VPS13B: variants seen among roughly 807,000 people sequenced by gnomAD.
The protein encoded by VPS13B is vacuolar protein sorting 13 homolog B.
A neutral mutation model predicts 426.4 loss-of-function variants in VPS13B; 285 were observed. The observed-to-expected ratio is 0.67, with a 90% CI of 0.61 to 0.74. The LOEUF is 0.74. Among genes scored for constraint, VPS13B ranks in the 30% least tolerant of loss-of-function variants. The pLI is 0.00. For missense variants in VPS13B, 4,537 were observed against 4,782.6 expected, an observed-to-expected ratio of 0.95 and a Z score of 1.51; for synonymous variants, 1,676 against 1,676.4, an observed-to-expected ratio of 1.00 and a Z score of 0.01.
At chr8:99,269,037 A>C (rs568718655) in intron 17 of VPS13B, among the ~76,000 whole-genome samples, 1 of 152,206 alleles carries the variant, frequency 6.6e-6, no homozygotes, top group South Asian at 2.1e-4. Flanking sequence ...CACCTTGTGA[A>C]GAAGGACGTG....
chr8:99,403,813 T>C (rs1416036421), intron 21 of VPS13B, among the ~76,000 whole-genome samples: 2 of 152,210 alleles, frequency 1.3e-5, no homozygotes, highest in African/African-American at 4.8e-5. Context: ...TATTTTACAA[T>C]TAGTCACAGC....
At chr8:99,187,016 T>A (rs929424598) in intron 16 of VPS13B, among the ~76,000 whole-genome samples, 7 of 152,250 alleles carry the variant, frequency 4.6e-5, no homozygotes, top group African/African-American at 1.2e-4. Context: ...GTAAAAAAAA[T>A]GAATCCCATC....
At chr8:99,681,884 T>C (rs1831167869) in intron 35 of VPS13B, among the ~76,000 whole-genome samples, 1 of 152,172 alleles carries the variant, frequency 6.6e-6, no homozygotes, top group Admixed American at 6.5e-5. Flanking sequence ...ATAGATCAAG[T>C]GACCAAGTGT....
At chr8:99,769,018 G>A (rs1345660462) in intron 40 of VPS13B, among the ~76,000 whole-genome samples, 10 of 152,166 alleles carry the variant, frequency 6.6e-5, no homozygotes, top group Non-Finnish European at 1.5e-5. Flanking sequence ...TAATGCCTCT[G>A]AATCTGAAAC....
Position 99,192,993 on chromosome 8 carries a change from T to C in VPS13B, c.2451T>C (p.His817=), listed in dbSNP as rs114120664. Residue 817 remains histidine (H), a synonymous_variant, in exon 17 of 62, where the codon CAT becomes CAC. Transcript: ENST00000357162. ...LLQAIYQSWS[H]LGNVSSSAVI... The stretch of plus-strand genomic sequence containing the variant: ...AAGCAATATATCAAAGTTGGTCTCA[T>C]CTTGGAAATGTCAGCTCTTCCGCAG... 1.8e-3 allele frequency: 2,841 copies of C among 1,613,750 alleles called. 15 individuals carry two copies. In the African/African-American group the frequency reaches 0.018, roughly 10 times the overall value.
At chr8:99,585,607 A>T (rs868088044) in intron 33 of VPS13B, among the ~76,000 whole-genome samples, 15 of 152,278 alleles carry the variant, frequency 9.9e-5, no homozygotes, top group Middle Eastern at 3.4e-3. Flanking sequence ...AGTGAAAAAA[A>T]TTTTTAGACA....
intron 19 of VPS13B, among the ~76,000 whole-genome samples, chr8:99,336,544 C>A (rs367593032): frequency 6.6e-6 from 1 of 152,062 alleles, no homozygotes. Context: ...AGCTTCTGCA[C>A]AGCAAAAGAA....
intron 15 of VPS13B, among the ~76,000 whole-genome samples, chr8:99,166,597 C>G (rs1376509542): frequency 6.6e-6 from 1 of 152,170 alleles, no homozygotes; most frequent in African/African-American, 2.4e-5. Flanking sequence ...TAAATGGAAA[C>G]GCATCTCATC....
At chr8:99,832,760 T>G in intron 52 of VPS13B, 108 bp downstream of exon 52, 1 of 1,120,972 alleles carries the variant, frequency 8.9e-7, no homozygotes, top group Non-Finnish European at 1.3e-6. Flanking sequence ...TATGTAATAT[T>G]AGGCTTTATT....
chr8:99,511,891 A>T (rs1043271629), intron 29 of VPS13B, among the ~76,000 whole-genome samples: 2 of 152,188 alleles, frequency 1.3e-5, no homozygotes, highest in Non-Finnish European at 2.9e-5. Context: ...TAATCCTAAC[A>T]CTTTGGGAAG....
intron 2 of VPS13B, among the ~76,000 whole-genome samples, chr8:99,026,704 TTTG>T (rs1465606321): frequency 6.6e-6 from 1 of 152,196 alleles, no homozygotes; most frequent in Non-Finnish European, 1.5e-5. Flanking sequence ...GATGACCTTC[TTTG>T]TCTCCTTATA....
At chr8:99,737,451 A>C (rs967268317) in intron 39 of VPS13B, among the ~76,000 whole-genome samples, 4 of 152,214 alleles carry the variant, frequency 2.6e-5, no homozygotes, top group Non-Finnish European at 5.9e-5. Flanking sequence ...AGGGTCCCAA[A>C]GCAGCAGCCT....
intron 13 of VPS13B, among the ~76,000 whole-genome samples, chr8:99,146,730 G>A (rs1347638120): frequency 1.3e-5 from 2 of 151,998 alleles, no homozygotes; most frequent in Non-Finnish European, 2.9e-5. Context: ...GCACCACCAA[G>A]CCCAGCTAAT....
chr8:99,266,385 C>G (rs1477042191), intron 17 of VPS13B, among the ~76,000 whole-genome samples: 1 of 151,714 alleles, frequency 6.6e-6, no homozygotes, highest in Non-Finnish European at 1.5e-5. Flanking sequence ...GCACTCCAGC[C>G]TGGGCAACAG....
At chr8:99,453,854 C>A (rs1021061444) in intron 23 of VPS13B, among the ~76,000 whole-genome samples, 3 of 152,164 alleles carry the variant, frequency 2.0e-5, no homozygotes, top group African/African-American at 4.8e-5. Context: ...AACTGATGAA[C>A]CTACAGGGAT....
At position 99,016,880 on chromosome 8, in the gene VPS13B, C is replaced by T. The variant is rs569683349; in HGVS notation, c.147+2945C>T. The stretch of plus-strand genomic sequence containing the variant: ...GATGGGTTACAGGCATGAGCCACTG[C>T]GCCCGGCCAGGAATTCTTTATATAT... On this transcript the variant is annotated intron_variant, in intron 2 of 61. Coordinates refer to ENST00000357162, the MANE Select transcript of VPS13B (RefSeq NM_152564.5). Among the ~76,000 whole-genome samples, 13 of 152,166 alleles carry T rather than the reference C, an allele frequency of 8.5e-5. No homozygotes were observed. The South Asian group carries it at 2.3e-3, about 27-fold the overall frequency.
chr8:99,778,231 C>CAAAAAAA (rs377457529), intron 41 of VPS13B, among the ~76,000 whole-genome samples: 1 of 94,508 alleles, frequency 1.1e-5, no homozygotes, highest in African/African-American at 4.0e-5. Flanking sequence ...GACTCCATCT[C>CAAAAAAA]AAAAAAAAAA....
At chr8:99,647,982 G>A (rs1175729502) in intron 34 of VPS13B, among the ~76,000 whole-genome samples, 1 of 152,206 alleles carries the variant, frequency 6.6e-6, no homozygotes, top group African/African-American at 2.4e-5. Context: ...GGAATACAGT[G>A]TAATATACCA....
intron 33 of VPS13B, among the ~76,000 whole-genome samples, chr8:99,593,048 C>A (rs1415006979): frequency 1.3e-5 from 2 of 152,046 alleles, no homozygotes; most frequent in African/African-American, 4.8e-5. Context: ...CCAACAAAAG[C>A]AAAAATTGAC....
Sources: allele counts gnomAD v4.1 joint callset (sites outside exome capture counted in the v4.1 genomes callset), GRCh38; gene constraint gnomAD v4.1.1; transcripts MANE v1.5; gene names NCBI Gene and HGNC (gene_info 2026-07-23, HGNC 2026-07-21).